The following TLDC2 variants were observed in gnomAD, a reference collection of about 807,000 sequenced individuals.
The protein encoded by TLDC2 is TLD domain-containing protein 2.
Under a neutral mutation model 27.9 loss-of-function variants are expected in TLDC2, and 23 were observed. The ratio of observed to expected loss-of-function variants is 0.82; its 90% CI spans 0.59 to 1.17. TLDC2 has a LOEUF of 1.17. Among genes scored for constraint, TLDC2 ranks in the 50% most tolerant of loss-of-function variants. The pLI, the probability that TLDC2 is intolerant of heterozygous loss-of-function variation, is 0.00. For synonymous variants in TLDC2, 124 were observed against 107.4 expected, an observed-to-expected ratio of 1.16 and a Z score of -0.96; for missense variants, 286 against 273.4, an observed-to-expected ratio of 1.05 and a Z score of -0.32.
At chr20:36,879,294 AGACT>A (rs1452804584) in intron 3 of TLDC2, 101 bp downstream of exon 3, 1 of 1,423,306 alleles carries the variant, frequency 7.0e-7, no homozygotes, top group African/African-American at 1.4e-5. Context: ...GCAGAGTGAC[AGACT>A]AAGTCACCTA....
chr20:36,880,992 G>A (rs576925717), intron 4 of TLDC2, among the ~76,000 whole-genome samples: 7 of 152,362 alleles, frequency 4.6e-5, no homozygotes, highest in African/African-American at 1.7e-4. Context: ...GGAGGACCAT[G>A]CTTGCCAGGC....
At chr20:36,890,870 A>G (rs1368708025) in intron 6 of TLDC2, 1 of 152,252 alleles carries the variant, frequency 6.6e-6, no homozygotes, top group Non-Finnish European at 1.5e-5. Flanking sequence ...GTAACAAAAG[A>G]TGCAAACAAA....
At chr20:36,889,464 TTGAAACA>T in intron 6 of TLDC2, 61 bp downstream of exon 6, 2 of 1,540,658 alleles carry the variant, frequency 1.3e-6, no homozygotes, top group Non-Finnish European at 1.7e-6. Flanking sequence ...CCTGTGCTGT[TTGAAACA>T]CAGATGGTGA....
rs1244949853 is a variant in TLDC2, at chr20:36,889,412, C to A, written c.*17+9C>A. On this transcript the variant is annotated intron_variant, in intron 6 of 6. Coordinates refer to ENST00000217320, the MANE Select transcript of TLDC2 (RefSeq NM_080628.3). ...CAGCCCTGCGGCAACAGGTACTCAG[C>A]CCTGCTCATGATGCCACCCAGGCCT... 1 of 1,610,084 alleles carries A rather than the reference C, an allele frequency of 6.2e-7. No individual in the cohort carries two copies. The highest frequency in any genetic ancestry group is 1.7e-5 in the Admixed American group (1 of 59,832).
rs1032538240 is a variant in TLDC2, at chr20:36,877,840, A to G, written c.34-59A>G. 22 of 1,552,270 alleles carry G rather than the reference A, an allele frequency of 1.4e-5. No individual in the cohort carries two copies. In the Admixed American group the frequency reaches 2.8e-4, roughly 20 times the overall value. On this transcript the variant is annotated intron_variant, in intron 1 of 6. Coordinates refer to ENST00000217320, the MANE Select transcript of TLDC2 (RefSeq NM_080628.3). ...CCGAGGAGGCTCTTGGGCTCAGGAG[A>G]TGGTAGAAGCTGGGACCTCCTGTCC...
Position 36,889,373 on chromosome 20 carries a change from G to A in TLDC2, c.635G>A (p.Trp212Ter). 1.2e-6 allele frequency: 2 copies of A among 1,613,964 alleles called. No homozygotes were observed. The highest frequency in any genetic ancestry group is 1.7e-6 in the Non-Finnish European group (2 of 1,180,006). Residue 212 changes from tryptophan (W) to a stop codon, truncating the protein, a stop_gained, in exon 6 of 7, where the codon TGG becomes TAG. Coordinates refer to ENST00000217320, the MANE Select transcript of TLDC2 (RefSeq NM_080628.3). LOFTEE classifies it high-confidence loss of function. ...EQFCIQELEA[W>*]LLS is the part of the protein sequence containing the mutation. ...TTCTGCATCCAGGAGCTGGAGGCTT[G>A]GCTTCTCAGCTGACAGCCCTGCGGC...
intron 4 of TLDC2, among the ~76,000 whole-genome samples, chr20:36,881,058 G>A (rs187397187): frequency 2.0e-5 from 3 of 152,302 alleles, no homozygotes; most frequent in African/African-American, 4.8e-5. Context: ...GTGGCAGGAC[G>A]ACAAAGGAGG....
In TLDC2 at chr20:36,884,875, CT is replaced by C. The variant is rs11480944; in HGVS notation, c.439-2560del. 1.7e-3 allele frequency among the ~76,000 whole-genome samples: 175 copies of C among 103,222 alleles called. 2 individuals are homozygous for C. The highest frequency in any genetic ancestry group is 6.2e-3 in the African/African-American group (163 of 26,168). 67.7% of individuals were successfully genotyped at this position (103,222 alleles called of 152,430 possible). A position where few individuals can be genotyped will look rare whatever the true frequency, so the allele number is the denominator to read the frequency against. On this transcript the variant is annotated intron_variant, in intron 4 of 6. Coordinates refer to ENST00000217320, the MANE Select transcript of TLDC2 (RefSeq NM_080628.3). The stretch of plus-strand genomic sequence containing the variant: ...TTTGCCATCATTTAACACAGAAATT[CT>C]TTTTTTTTTTTTTTTTTTTGAGACG...
chr20:36,880,058 AATATATATATACATATATAT>A (rs1176951802), intron 3 of TLDC2, among the ~76,000 whole-genome samples: 1 of 36,322 alleles, frequency 2.8e-5, no homozygotes, highest in African/African-American at 7.0e-5. Context: ...ACTTGTGTAG[AATATATATATACATATATAT>A]ATATATATAT....
intron 1 of TLDC2, among the ~76,000 whole-genome samples, chr20:36,876,686 CACACTCAAAT>C (rs1989675718): frequency 6.6e-6 from 1 of 151,976 alleles, no homozygotes; most frequent in African/African-American, 2.4e-5. Context: ...CACACTCAAA[CACACTCAAAT>C]GCACTCATAC....
chr20:36,893,741 T>C lies in TLDC2; in HGVS notation c.*897T>C, dbSNP rs980307660. 6 of 395,940 alleles carry C rather than the reference T, an allele frequency of 1.5e-5. No individual in the cohort carries two copies. Among genetic ancestry groups the C allele is most frequent in the African/African-American group, 6.2e-5 (3 of 48,592 alleles). 24.5% of individuals were successfully genotyped at this position (395,940 alleles called of 1,614,324 possible). A position where few individuals can be genotyped will look rare whatever the true frequency, so the allele number is the denominator to read the frequency against. ...GATGCACGATCTTGGAGAGCCTCTGTTGTACCAGGAATACAATGCTGGTGG... is the reference window on the plus strand; with the variant it reads ...GATGCACGATCTTGGAGAGCCTCTGCTGTACCAGGAATACAATGCTGGTGG... On this transcript the variant is annotated 3_prime_UTR_variant, in exon 7 of 7. Transcript: ENST00000217320.
chr20:36,889,335 C>A lies in TLDC2; in HGVS notation c.597C>A (p.Ala199=). 6.2e-7 allele frequency: 1 copy of A among 1,614,186 alleles called. No individual in the cohort carries two copies. Among genetic ancestry groups the A allele is most frequent in the Non-Finnish European group, 8.5e-7 (1 of 1,180,040 alleles). The change falls in exon 6 of 7, where the codon GCC becomes GCA. Residue 199 remains alanine (A), a synonymous_variant. Coordinates refer to ENST00000217320, the MANE Select transcript of TLDC2 (RefSeq NM_080628.3). ...CGACCTTCAACAACGAGGTGCTGGC[C>A]CGGCAGGAGCAGTTCTGCATCCAGG... ...PCPTFNNEVL[A]RQEQFCIQEL...
At chr20:36,879,311 A>G (rs951466200) in intron 3 of TLDC2, 118 bp downstream of exon 3, 16 of 1,291,920 alleles carry the variant, frequency 1.2e-5, no homozygotes, top group Non-Finnish European at 1.7e-5. Flanking sequence ...GTCACCTATA[A>G]TGGACACTGA....
intron 4 of TLDC2, among the ~76,000 whole-genome samples, chr20:36,885,772 T>G (rs1189722867): frequency 6.6e-6 from 1 of 152,152 alleles, no homozygotes; most frequent in Non-Finnish European, 1.5e-5. Context: ...ATTTTTGCAT[T>G]CAATAAATAT....
chr20:36,878,933 C>T, intron 2 of TLDC2, 108 bp from the exon 3 acceptor site: 1 of 1,527,136 alleles, frequency 6.5e-7, no homozygotes. Context: ...TGCTCTATCG[C>T]CTGTAAAGCA....
At chr20:36,884,672 C>T (rs1389877169) in intron 4 of TLDC2, among the ~76,000 whole-genome samples, 1 of 151,470 alleles carries the variant, frequency 6.6e-6, no homozygotes, top group African/African-American at 2.4e-5. Flanking sequence ...GCAGGAGGAT[C>T]GCTTGAGCCC....
Position 36,880,567 on chromosome 20 carries a change from G to A in TLDC2, c.343-88G>A, listed in dbSNP as rs570268575. 8.0e-5 allele frequency: 90 copies of A among 1,119,044 alleles called. No individual in the cohort carries two copies. In the African/African-American group the frequency reaches 9.5e-4, roughly 12 times the overall value. 69.3% of individuals were successfully genotyped at this position (1,119,044 alleles called of 1,614,324 possible). On this transcript the variant is annotated intron_variant, in intron 3 of 6. Coordinates refer to ENST00000217320, the MANE Select transcript of TLDC2 (RefSeq NM_080628.3). The stretch of plus-strand genomic sequence containing the variant: ...CAGCTTCCCAGGTGTCCTCTAGGAT[G>A]AGCCTGTATTACTAAACCTGAAGAA...
At chr20:36,889,181 G>A in intron 5 of TLDC2, 70 bp from the exon 6 acceptor site, 1 of 1,577,798 alleles carries the variant, frequency 6.3e-7, no homozygotes, top group Non-Finnish European at 8.6e-7. Context: ...AAGAGCTGAT[G>A]CTGGTGGCAG....
At chr20:36,889,879 A>G (rs1990018066) in intron 6 of TLDC2, 1 of 152,564 alleles carries the variant, frequency 6.6e-6, no homozygotes, top group Non-Finnish European at 1.5e-5. Flanking sequence ...TAACATTTTC[A>G]TGTATATCCT....
Sources: gnomAD v4.1 joint callset for allele counts (sites outside exome capture counted in the v4.1 genomes callset) on GRCh38, gnomAD v4.1.1 for gene constraint, MANE v1.5 for transcripts, NCBI Gene and HGNC (gene_info 2026-07-23, HGNC 2026-07-21) for gene names.